Variants in DYRK4 observed in about 807,000 individuals in gnomAD.
The protein encoded by DYRK4 is dual specificity tyrosine-phosphorylation-regulated kinase 4.
A neutral mutation model predicts 68.3 loss-of-function variants in DYRK4; 64 were observed. The observed-to-expected ratio is 0.94, with a 90% CI of 0.77 to 1.15. The LOEUF (loss-of-function observed/expected upper bound fraction) is 1.15, where lower values mean the gene tolerates loss of function less well. Ranked by LOEUF, DYRK4 falls within the 50% of genes most tolerant of loss-of-function variation. DYRK4 has a pLI of 0.00. For synonymous variants in DYRK4, 274 were observed against 289.9 expected, an observed-to-expected ratio of 0.95 and a Z score of 0.56; for missense variants, 740 against 764.7, an observed-to-expected ratio of 0.97 and a Z score of 0.38.
chr12:4,592,878 A>G, intron 5 of DYRK4, 124 bp from the exon 6 acceptor site: 1 of 1,177,426 alleles, frequency 8.5e-7, no homozygotes, highest in Non-Finnish European at 1.2e-6. Flanking sequence ...CAGGGTCCTC[A>G]GTGAGCCACC....
At chr12:4,570,083 A>C (rs1944715911) in intron 2 of DYRK4, among the ~76,000 whole-genome samples, 1 of 145,314 alleles carries the variant, frequency 6.9e-6, no homozygotes, top group South Asian at 2.2e-4. Flanking sequence ...TAATAATGAT[A>C]ATAACAAATT....
chr12:4,585,545 G>A (rs1056927199), intron 2 of DYRK4, among the ~76,000 whole-genome samples: 21 of 151,964 alleles, frequency 1.4e-4, no homozygotes, highest in Non-Finnish European at 2.9e-5. Context: ...ACCAAACACC[G>A]CATGTTCTCA....
chr12:4,572,320 C>T (rs911206971), intron 2 of DYRK4, among the ~76,000 whole-genome samples: 3 of 152,108 alleles, frequency 2.0e-5, no homozygotes, highest in African/African-American at 7.2e-5. Context: ...CTGGCTCTGT[C>T]GCCCAGGCTG....
chr12:4,573,145 A>G (rs2137327120), intron 2 of DYRK4: 1 of 413,722 alleles, frequency 2.4e-6, no homozygotes, highest in African/African-American at 2.1e-5. Flanking sequence ...GAAGACTCGA[A>G]CTAGAAGAAC....
chr12:4,613,746 T>C lies in DYRK4; in HGVS notation c.1898T>C (p.Ile633Thr). 6.4e-7 allele frequency: 1 copy of C among 1,555,850 alleles called. No individual in the cohort carries two copies. Among genetic ancestry groups the C allele is most frequent in the Non-Finnish European group, 8.7e-7 (1 of 1,143,556 alleles). Residue 633 changes from isoleucine to threonine, a missense_variant, in exon 15 of 15, where the codon ATT (isoleucine) becomes ACT (threonine). Physicochemically the swap from Ile to Thr is moderately conservative, Grantham distance 89. This residue lies in a region of DYRK4 where 614 missense variants were observed against 603.7 expected (regional missense o/e 1.02). Transcript: ENST00000543431. The surrounding 1 kb of genome is among the most constrained non-coding windows in gnomAD (Gnocchi z 4.0). ...AAGAACACAAACGTTTTACCCCCTA[T>C]TGTATGACCTTTGCTGAGGGTATGT... is the stretch of plus-strand genomic sequence containing the variant. ...SLKNTNVLPP[I>T]V
chr12:4,588,187 A>G (rs1944916611), intron 2 of DYRK4, among the ~76,000 whole-genome samples: 1 of 151,624 alleles, frequency 6.6e-6, no homozygotes, highest in Non-Finnish European at 1.5e-5. Flanking sequence ...AGCCTCTCAA[A>G]GCACTGGGAT....
chr12:4,573,952 G>T (rs991013632), intron 2 of DYRK4, among the ~76,000 whole-genome samples: 1 of 152,022 alleles, frequency 6.6e-6, no homozygotes, highest in Non-Finnish European at 1.5e-5. Context: ...CAGGCCCCGC[G>T]CAGTGGCTCA....
Position 4,583,906 on chromosome 12 carries a change from A to C in DYRK4, c.133-5031A>C, listed in dbSNP as rs143523765. ...CACTTTACGTTCTTGTAATGATGGC[A>C]TGGACACTGACACGCAGGGCAGGTT... On this transcript the variant is annotated intron_variant, in intron 2 of 14. Transcript: ENST00000543431. Among the ~76,000 whole-genome samples, 240 of 152,266 alleles carry C rather than the reference A, an allele frequency of 1.6e-3. 1 individual carries two copies. Among genetic ancestry groups the C allele is most frequent in the African/African-American group, 5.5e-3 (227 of 41,556 alleles).
Position 4,596,610 on chromosome 12 carries a change from G to A in DYRK4, c.786G>A (p.Met262Ile). The A allele has an allele frequency of 6.2e-7, 1 of 1,614,058 alleles. No homozygotes were observed. The highest frequency in any genetic ancestry group is 8.5e-7 in the Non-Finnish European group (1 of 1,180,010). The change falls in exon 8 of 15, where the codon ATG becomes ATA. Residue 262 changes from methionine to isoleucine, a missense_variant. By Grantham distance (10) the Met-to-Ile change is conservative (BLOSUM62 1). This residue lies in a region of DYRK4 where 614 missense variants were observed against 603.7 expected (regional missense o/e 1.02). Coordinates refer to ENST00000543431, the MANE Select transcript of DYRK4 (RefSeq NM_001394779.1). ...TTAGGTTTCACCAGCAGGCCCTGATGGAGCTGAAGATCCTGGAAGCTCTCA... is the reference window on the plus strand; with the variant it reads ...TTAGGTTTCACCAGCAGGCCCTGATAGAGCTGAAGATCCTGGAAGCTCTCA... ...NKKRFHQQAL[M>I]ELKILEALRK... is the part of the protein sequence containing the mutation.
chr12:4,581,675 C>T (rs904909129), intron 2 of DYRK4, among the ~76,000 whole-genome samples: 17 of 152,170 alleles, frequency 1.1e-4, no homozygotes, highest in African/African-American at 3.4e-4. Flanking sequence ...TCAGTTGTCT[C>T]CCTGGACAGC....
intron 1 of DYRK4, chr12:4,563,139 T>C: frequency 2.2e-6 from 1 of 456,100 alleles, no homozygotes; most frequent in South Asian, 1.5e-5. Context: ...AAATGTCCTT[T>C]GTCTTGCTTG....
At chr12:4,567,605 A>G (rs1320730464) in intron 1 of DYRK4, among the ~76,000 whole-genome samples, 1 of 152,232 alleles carries the variant, frequency 6.6e-6, no homozygotes, top group African/African-American at 2.4e-5. Flanking sequence ...GCATTAAACT[A>G]TCTAAGTAGC....
rs777229067 is a variant in DYRK4, at chr12:4,596,604, C to G, written c.780C>G (p.Ala260=). ...IRNKKRFHQQ[A]LMELKILEAL... The stretch of plus-strand genomic sequence containing the variant: ...ATCACCTTAGGTTTCACCAGCAGGC[C>G]CTGATGGAGCTGAAGATCCTGGAAG... The change falls in exon 8 of 15, where the codon GCC becomes GCG. Residue 260 remains alanine, a synonymous_variant. Coordinates refer to ENST00000543431, the MANE Select transcript of DYRK4 (RefSeq NM_001394779.1). The G allele has an allele frequency of 1.2e-6, 2 of 1,613,988 alleles. No individual in the cohort carries two copies. Among genetic ancestry groups the G allele is most frequent in the East Asian group, 2.2e-5 (1 of 44,878 alleles).
intron 2 of DYRK4, among the ~76,000 whole-genome samples, chr12:4,577,928 A>G (rs1231956529): frequency 2.0e-5 from 3 of 152,186 alleles, no homozygotes; most frequent in Non-Finnish European, 2.9e-5. Flanking sequence ...TCAAATTCCA[A>G]TGGTTCATTT....
At chr12:4,612,968 G>A (rs967579751) in intron 14 of DYRK4, 4 of 405,282 alleles carry the variant, frequency 9.9e-6, no homozygotes, top group Admixed American at 4.2e-5. Context: ...CTTACCTTTG[G>A]GATTTTCCTT....
Position 4,604,990 on chromosome 12 carries a change from C to T in DYRK4, c.1203C>T (p.Asp401=), listed in dbSNP as rs772638978. 3.1e-6 allele frequency: 5 copies of T among 1,614,152 alleles called. No homozygotes were observed. In the East Asian group the frequency reaches 1.1e-4, roughly 36 times the overall value. ...ILGHPYDVAI[D]MWSLGCITAE... ...GCCACCCCTACGACGTGGCCATTGA[C>T]ATGTGGAGCCTGGGCTGCATCACGG... Residue 401 remains aspartate, a synonymous_variant, in exon 11 of 15, where the codon GAC becomes GAT. Transcript: ENST00000543431.
chr12:4,564,580 C>G (rs71459911), intron 1 of DYRK4: 1 of 152,100 alleles, frequency 6.6e-6, no homozygotes, highest in Non-Finnish European at 1.5e-5. Context: ...ATATAAAATA[C>G]TATGCAGTGC....
intron 10 of DYRK4, chr12:4,602,508 G>A (rs1484642626): frequency 1.8e-5 from 23 of 1,309,894 alleles, no homozygotes; most frequent in Non-Finnish European, 2.4e-5. Context: ...CAAGTCTTGC[G>A]GTTGAGTGGT....
chr12:4,587,720 A>T (rs1227466089), intron 2 of DYRK4, among the ~76,000 whole-genome samples: 1 of 152,218 alleles, frequency 6.6e-6, no homozygotes, highest in Non-Finnish European at 1.5e-5. Context: ...TCCCTATTGC[A>T]GGAGGTCAAG....
Sources: gnomAD v4.1 joint callset for allele counts (sites outside exome capture counted in the v4.1 genomes callset) on GRCh38, gnomAD v4.1.1 for gene constraint, gnomAD v4.1.1 regional missense constraint, Gnocchi (gnomAD v3.1) non-coding constraint, MANE v1.5 for transcripts, NCBI Gene and HGNC (gene_info 2026-07-23, HGNC 2026-07-21) for gene names.